Variants in GTF2I observed in about 807,000 individuals in gnomAD.
GTF2I encodes the protein general transcription factor II-I.
A neutral mutation model predicts 67.6 loss-of-function variants in GTF2I; 12 were observed. The observed-to-expected ratio is 0.18, with a 90% CI of 0.11 to 0.29. The LOEUF is 0.29. Among genes scored for constraint, GTF2I ranks in the 10% least tolerant of loss-of-function variants. GTF2I has a pLI of 1.00. For synonymous variants in GTF2I, 149 were observed against 197.0 expected (o/e 0.76, Z 2.04); for missense variants, 271 against 580.1 (o/e 0.47, Z 5.47).
chr7:74,731,906 C>CT (rs1233409931), intron 14 of GTF2I, among the ~76,000 whole-genome samples: 1 of 151,776 alleles, frequency 6.6e-6, no homozygotes, highest in Non-Finnish European at 1.5e-5. Context: ...CCTGGAAGCA[C>CT]TGTAACCTAG....
intron 1 of GTF2I, among the ~76,000 whole-genome samples, chr7:74,675,420 T>G (rs782574470): frequency 6.6e-6 from 1 of 152,090 alleles, no homozygotes; most frequent in Non-Finnish European, 1.5e-5. Context: ...ATGTTCTCCT[T>G]TTTTTTAAAA....
At chr7:74,659,132 A>AGGCT (rs1160008326) in intron 1 of GTF2I, among the ~76,000 whole-genome samples, 5 of 152,088 alleles carry the variant, frequency 3.3e-5, no homozygotes, top group African/African-American at 1.2e-4. Flanking sequence ...TTTGTTGCCC[A>AGGCT]GGCTGGTCTT....
Position 74,730,713 on chromosome 7 carries a change from C to CTTTTTT in GTF2I, c.1120+441_1120+446dup, listed in dbSNP as rs869183139. 2.7e-4 allele frequency among the ~76,000 whole-genome samples: 17 copies of CTTTTTT among 63,920 alleles called. 2 individuals are homozygous for CTTTTTT. The highest frequency in any genetic ancestry group is 5.1e-4 in the East Asian group (1 of 1,952). 41.9% of individuals were successfully genotyped at this position (63,920 alleles called of 152,430 possible). On this transcript the variant is annotated intron_variant, in intron 14 of 34. Transcript: ENST00000573035. ...ATCCCCCTATTGTCTCTACTTTTAT[C>CTTTTTT]TTTTTTTTTTTTTTTTTTTTTTTTT... is the stretch of plus-strand genomic sequence containing the variant.
At chr7:74,715,159 T>C (rs1350558162) in intron 10 of GTF2I, among the ~76,000 whole-genome samples, 1 of 152,098 alleles carries the variant, frequency 6.6e-6, no homozygotes, top group African/African-American at 2.4e-5. Context: ...CACACTTTCC[T>C]ATTGAAGGTA....
chr7:74,721,775 CAG>C lies in GTF2I; in HGVS notation c.943+2836_943+2837del, dbSNP rs1420431500. 2.0e-5 allele frequency among the ~76,000 whole-genome samples: 3 copies of C among 150,436 alleles called. No individual in the cohort carries two copies. The East Asian group carries it at 5.9e-4, about 29-fold the overall frequency. On this transcript the variant is annotated intron_variant, in intron 12 of 34. Transcript: ENST00000573035. Reference sequence around the variant, plus strand: ...ATAAAATTTTGGTATATCTTCATAACAGAAAAATATATAGCCATTGAAATCCT... The same window carrying C: ...ATAAAATTTTGGTATATCTTCATAACAAAAATATATAGCCATTGAAATCCT...
chr7:74,702,147 T>C (rs1789862829), intron 6 of GTF2I, among the ~76,000 whole-genome samples: 1 of 152,362 alleles, frequency 6.6e-6, no homozygotes, highest in African/African-American at 2.4e-5. Flanking sequence ...AGCAAGGTTT[T>C]GTCTGGACAT....
chr7:74,674,269 A>G (rs959935490), intron 1 of GTF2I, among the ~76,000 whole-genome samples: 17 of 151,828 alleles, frequency 1.1e-4, no homozygotes, highest in South Asian at 2.1e-4. Context: ...ATCTCACTCT[A>G]TTGCCAAGCT....
In GTF2I at chr7:74,752,137, GA is replaced by G; in HGVS notation, c.2526del (p.Asp843ThrfsTer7). ...TGTTAATACTACTGCATCAGGTGTTGAAGACCTTAACATCATTCAGGTGACA... is the reference window on the plus strand; with the variant it reads ...TGTTAATACTACTGCATCAGGTGTTGAGACCTTAACATCATTCAGGTGACA... ...PNVNTTASGV[E>X]DLNIIQVTIP... On this transcript the variant is annotated frameshift_variant, in exon 28 of 35. Coordinates refer to ENST00000573035, the MANE Select transcript of GTF2I (RefSeq NM_032999.4). LOFTEE classifies it high-confidence loss of function. 2 of 871,972 alleles carry G rather than the reference GA, an allele frequency of 2.3e-6. No homozygotes were observed. Among genetic ancestry groups the G allele is most frequent in the African/African-American group, 1.5e-5 (1 of 67,282 alleles). The allele number at this position is 871,972 out of a possible 1,614,324, so 54.0% of individuals were successfully genotyped here.
chr7:74,688,735 T>G (rs1410615265), intron 1 of GTF2I, among the ~76,000 whole-genome samples: 1 of 152,160 alleles, frequency 6.6e-6, no homozygotes, highest in African/African-American at 2.4e-5. Flanking sequence ...ACCCACTCTT[T>G]TGTGTGTCAG....
At chr7:74,677,152 A>G (rs1174582875) in intron 1 of GTF2I, among the ~76,000 whole-genome samples, 1 of 152,214 alleles carries the variant, frequency 6.6e-6, no homozygotes, top group Admixed American at 6.6e-5. Flanking sequence ...GCCAAAATGT[A>G]GTATTACATG....
intron 3 of GTF2I, among the ~76,000 whole-genome samples, chr7:74,693,817 G>C (rs7782758): frequency 5.2e-4 from 79 of 152,194 alleles, no homozygotes; most frequent in African/African-American, 1.8e-3. Flanking sequence ...CTGCACTCCA[G>C]CCTGGCGAAA....
chr7:74,683,357 C>T (rs1454891873), intron 1 of GTF2I, among the ~76,000 whole-genome samples: 27 of 152,108 alleles, frequency 1.8e-4, no homozygotes, highest in Admixed American at 1.7e-3. Flanking sequence ...AATGAAATAA[C>T]CTTAGTGTGC....
chr7:74,681,394 C>T (rs1369523166), intron 1 of GTF2I, among the ~76,000 whole-genome samples: 1 of 150,954 alleles, frequency 6.6e-6, no homozygotes, highest in Non-Finnish European at 1.5e-5. Flanking sequence ...GAGATCGTGC[C>T]ATTGCACTCT....
intron 1 of GTF2I, among the ~76,000 whole-genome samples, chr7:74,662,580 G>T (rs1160418538): frequency 7.6e-6 from 1 of 131,914 alleles, no homozygotes; most frequent in Non-Finnish European, 1.6e-5. Context: ...GGGAGTGTAG[G>T]TGCGTGGTCT....
chr7:74,673,138 G>A (rs1472363283), intron 1 of GTF2I, among the ~76,000 whole-genome samples: 3 of 152,134 alleles, frequency 2.0e-5, no homozygotes, highest in Non-Finnish European at 2.9e-5. Flanking sequence ...GGGATTACAG[G>A]CCTGAGCCAC....
intron 1 of GTF2I, among the ~76,000 whole-genome samples, chr7:74,675,747 A>G (rs1298551006): frequency 6.6e-6 from 1 of 152,100 alleles, no homozygotes; most frequent in Non-Finnish European, 1.5e-5. Flanking sequence ...GCAGTGGCTC[A>G]CACCTGTAAT....
Position 74,657,873 on chromosome 7 carries a change from C to G in GTF2I, c.-201C>G, listed in dbSNP as rs1368749219. The G allele has an allele frequency of 2.6e-5, 4 of 151,888 alleles. No homozygotes were observed. The highest frequency in any genetic ancestry group is 9.7e-5 in the African/African-American group (4 of 41,372). 9.4% of individuals were successfully genotyped at this position (151,888 alleles called of 1,614,324 possible). ...GATCAAGGCGCTGAGCGAGGCCCTGCCTGCGGGGCGGCCATGCGGCGGTGA... is the reference window on the plus strand; with the variant it reads ...GATCAAGGCGCTGAGCGAGGCCCTGGCTGCGGGGCGGCCATGCGGCGGTGA... On this transcript the variant is annotated 5_prime_UTR_variant, in exon 1 of 35. Coordinates refer to ENST00000573035, the MANE Select transcript of GTF2I (RefSeq NM_032999.4).
At chr7:74,700,976 C>G (rs776590377) in intron 6 of GTF2I, among the ~76,000 whole-genome samples, 5 of 152,170 alleles carry the variant, frequency 3.3e-5, no homozygotes, top group Non-Finnish European at 5.9e-5. Flanking sequence ...AGCTGTGTAT[C>G]AGCATTACCA....
intron 1 of GTF2I, among the ~76,000 whole-genome samples, chr7:74,688,478 C>T (rs587759561): frequency 3.3e-5 from 5 of 151,964 alleles, no homozygotes; most frequent in East Asian, 3.9e-4. Flanking sequence ...TTTTTTGAGA[C>T]GGAGTTTTGC....
Sources: allele counts gnomAD v4.1 joint callset (sites outside exome capture counted in the v4.1 genomes callset), GRCh38; gene constraint gnomAD v4.1.1; transcripts MANE v1.5; gene names NCBI Gene and HGNC (gene_info 2026-07-23, HGNC 2026-07-21).